Variants in SGIP1 observed in about 807,000 individuals in gnomAD.
SGIP1 encodes SH3GL interacting endocytic adaptor 1.
SGIP1 carries 38 observed loss-of-function variants against 107.5 expected under a neutral mutation model. The observed-to-expected ratio is 0.35, with a 90% CI of 0.27 to 0.46. The LOEUF (loss-of-function observed/expected upper bound fraction) is 0.46. Among genes scored for constraint, SGIP1 ranks in the 20% least tolerant of loss-of-function variants. SGIP1 has a pLI of 1.00. For synonymous variants in SGIP1, 365 were observed against 366.1 expected (o/e 1.00, Z 0.03); for missense variants, 929 against 1,019.5 (o/e 0.91, Z 1.21).
intron 1 of SGIP1, among the ~76,000 whole-genome samples, chr1:66,605,235 C>T (rs2066600146): frequency 6.6e-6 from 1 of 152,198 alleles, no homozygotes; most frequent in African/African-American, 2.4e-5. Flanking sequence ...TATTCATACA[C>T]AGCATCCATT....
chr1:66,646,916 A>G (rs2077771876), intron 7 of SGIP1, among the ~76,000 whole-genome samples: 1 of 152,212 alleles, frequency 6.6e-6, no homozygotes, highest in Admixed American at 6.5e-5. Flanking sequence ...GTTAACTCAC[A>G]GGTAAAGGAT....
chr1:66,684,508 G>A (rs763790910), intron 15 of SGIP1, among the ~76,000 whole-genome samples: 4 of 152,206 alleles, frequency 2.6e-5, no homozygotes, highest in African/African-American at 4.8e-5. Context: ...GACATTACTC[G>A]TCCGTTATAA....
chr1:66,636,123 A>C (rs2075734895), intron 4 of SGIP1, 108 bp downstream of exon 4: 2 of 998,184 alleles, frequency 2.0e-6, no homozygotes, highest in Admixed American at 2.4e-5. Context: ...TACTCCATTT[A>C]AGAAAACTCT....
At chr1:66,651,059 A>G (rs1042999334) in intron 7 of SGIP1, among the ~76,000 whole-genome samples, 4 of 152,204 alleles carry the variant, frequency 2.6e-5, no homozygotes, top group African/African-American at 4.8e-5. Flanking sequence ...ATTTGTAAGA[A>G]TTAAGGAATG....
rs2094575890 is a variant in SGIP1, at chr1:66,748,048, T to C, written c.*4953T>C. ...ACAAATCAATCCAAGTTACATTGATTAAAGGGACTATTTGGATGACCAGCC... is the reference window on the plus strand; with the variant it reads ...ACAAATCAATCCAAGTTACATTGATCAAAGGGACTATTTGGATGACCAGCC... On this transcript the variant is annotated 3_prime_UTR_variant, in exon 25 of 25. Coordinates refer to ENST00000371037, the MANE Select transcript of SGIP1 (RefSeq NM_032291.4). 1 of 152,014 alleles carries C rather than the reference T, an allele frequency of 6.6e-6. No homozygotes were observed. The highest frequency in any genetic ancestry group is 2.4e-5 in the African/African-American group (1 of 41,440). 9.4% of individuals were successfully genotyped at this position (152,014 alleles called of 1,614,324 possible).
rs1027838111 is a variant in SGIP1, at chr1:66,751,087, C to A, written c.*7992C>A. On this transcript the variant is annotated 3_prime_UTR_variant, in exon 25 of 25. Transcript: ENST00000371037. ...GTAAGTTGTTACTGAAATGTGATTTCTTTTTCTGGAAAATAAATGAAAAAT... is the reference window on the plus strand; with the variant it reads ...GTAAGTTGTTACTGAAATGTGATTTATTTTTCTGGAAAATAAATGAAAAAT... Among the ~76,000 whole-genome samples, 1 of 152,096 alleles carries A rather than the reference C, an allele frequency of 6.6e-6. No homozygotes were observed. Among genetic ancestry groups the A allele is most frequent in the Non-Finnish European group, 1.5e-5 (1 of 68,000 alleles).
rs35959436 is a variant in SGIP1 at position 66,626,137 on chromosome 1, CTTTTTT to C, written c.74+244_74+249del. The C allele has an allele frequency of 6.2e-3, 764 of 123,258 alleles. 2 individuals are homozygous for C. Among genetic ancestry groups the C allele is most frequent in the Middle Eastern group, 0.012 (3 of 242 alleles). The allele number at this position is 123,258 out of a possible 1,614,324, so 7.6% of individuals were successfully genotyped here. On this transcript the variant is annotated intron_variant, in intron 2 of 24. Coordinates refer to ENST00000371037, the MANE Select transcript of SGIP1 (RefSeq NM_032291.4). ...GTTTTTATCACATTTTTCTTTCTTT[CTTTTTT>C]TTTTTTTTTTTTTTTTGATCATTAC... is the stretch of plus-strand genomic sequence containing the variant.
At chr1:66,552,289 T>A (rs992820081) in intron 1 of SGIP1, among the ~76,000 whole-genome samples, 1 of 152,184 alleles carries the variant, frequency 6.6e-6, no homozygotes, top group African/African-American at 2.4e-5. Flanking sequence ...TGGCTATGTA[T>A]CTGAAAGAGT....
At chr1:66,536,247 A>G (rs1393417670) in intron 1 of SGIP1, among the ~76,000 whole-genome samples, 1 of 68,302 alleles carries the variant, frequency 1.5e-5, no homozygotes, top group African/African-American at 8.6e-5. Context: ...GGTATGAATT[A>G]GTATGAATTA....
intron 16 of SGIP1, 33 bp downstream of exon 16, chr1:66,689,308 A>C: frequency 6.3e-7 from 1 of 1,599,924 alleles, no homozygotes; most frequent in Non-Finnish European, 8.5e-7. Flanking sequence ...TTGCTCAGAA[A>C]CAGTGAGAAT....
At chr1:66,690,383 TC>T in intron 17 of SGIP1, 67 bp downstream of exon 17, 1 of 1,588,832 alleles carries the variant, frequency 6.3e-7, no homozygotes. Flanking sequence ...TGATCTGAAA[TC>T]CCCAAGGCCC....
At chr1:66,703,342 T>C (rs1346792481) in intron 18 of SGIP1, among the ~76,000 whole-genome samples, 2 of 152,154 alleles carry the variant, frequency 1.3e-5, no homozygotes, top group Non-Finnish European at 2.9e-5. Flanking sequence ...GGGAGCAACA[T>C]TTATACCTAC....
intron 1 of SGIP1, among the ~76,000 whole-genome samples, chr1:66,534,906 T>C (rs936907904): frequency 1.3e-5 from 2 of 152,160 alleles, no homozygotes; most frequent in Non-Finnish European, 2.9e-5. Context: ...CCATAAACTG[T>C]AGTTGTATGA....
At chr1:66,663,476 T>C (rs544740623) in intron 8 of SGIP1, among the ~76,000 whole-genome samples, 46 of 152,236 alleles carry the variant, frequency 3.0e-4, no homozygotes, top group Admixed American at 2.6e-3. Context: ...AATTTTTCTG[T>C]CCTTGTCCAG....
At chr1:66,648,945 T>C (rs2078186036) in intron 7 of SGIP1, among the ~76,000 whole-genome samples, 1 of 152,206 alleles carries the variant, frequency 6.6e-6, no homozygotes, top group Admixed American at 6.5e-5. Context: ...TAAGGACTTT[T>C]TGTGCAGAAG....
At chr1:66,707,511 A>T (rs2092607800) in intron 18 of SGIP1, among the ~76,000 whole-genome samples, 1 of 152,206 alleles carries the variant, frequency 6.6e-6, no homozygotes, top group Non-Finnish European at 1.5e-5. Flanking sequence ...ATTTACTTAT[A>T]AATTATTGCA....
At chr1:66,570,653 T>C (rs2060257107) in intron 1 of SGIP1, among the ~76,000 whole-genome samples, 1 of 151,964 alleles carries the variant, frequency 6.6e-6, no homozygotes, top group Non-Finnish European at 1.5e-5. Context: ...GCCTACTGTA[T>C]ACCAAGCACT....
chr1:66,651,043 T>C (rs550593889), intron 7 of SGIP1, among the ~76,000 whole-genome samples: 5 of 152,296 alleles, frequency 3.3e-5, no homozygotes, highest in South Asian at 2.1e-4. Context: ...GCCCACTTCA[T>C]AGGATATTTG....
At chr1:66,636,093 A>C in intron 4 of SGIP1, 78 bp downstream of exon 4, 1 of 1,381,324 alleles carries the variant, frequency 7.2e-7, no homozygotes, top group Non-Finnish European at 1.0e-6. Flanking sequence ...TAAAATTTGG[A>C]AAACACAGTA....
Sources: allele counts gnomAD v4.1 joint callset (sites outside exome capture counted in the v4.1 genomes callset), GRCh38; gene constraint gnomAD v4.1.1; transcripts MANE v1.5; gene names NCBI Gene and HGNC (gene_info 2026-07-23, HGNC 2026-07-21).